The following AGBL4 variants were observed in gnomAD, a reference collection of about 807,000 sequenced individuals.
AGBL4 encodes the protein AGBL carboxypeptidase 4.
Under a neutral mutation model 66.4 loss-of-function variants are expected in AGBL4, and 58 were observed. The observed-to-expected ratio is 0.87, with a 90% CI of 0.71 to 1.09. The LOEUF (loss-of-function observed/expected upper bound fraction) is 1.09, where lower values mean the gene tolerates loss of function less well. Among genes scored for constraint, AGBL4 ranks in the 50% least tolerant of loss-of-function variants. AGBL4 has a pLI of 0.00. For missense variants in AGBL4, 579 were observed against 631.0 expected (o/e 0.92, Z 0.88); for synonymous variants, 234 against 222.9 (o/e 1.05, Z -0.44).
intron 3 of AGBL4, among the ~76,000 whole-genome samples, chr1:49,550,883 C>T (rs1041978439): frequency 6.6e-6 from 1 of 152,054 alleles, no homozygotes; most frequent in Admixed American, 6.5e-5. Context: ...AATTATTCCC[C>T]CAAATATGTT....
At chr1:49,046,263 A>C (rs1644078266) in intron 4 of AGBL4, among the ~76,000 whole-genome samples, 1 of 152,220 alleles carries the variant, frequency 6.6e-6, no homozygotes, top group South Asian at 2.1e-4. Flanking sequence ...GATGCTATAG[A>C]GATATAAATG....
At chr1:48,549,432 G>C (rs1211353269) in intron 11 of AGBL4, among the ~76,000 whole-genome samples, 1 of 152,014 alleles carries the variant, frequency 6.6e-6, no homozygotes, top group African/African-American at 2.4e-5. Flanking sequence ...GCACCCCCTA[G>C]GTAAGAAGAC....
chr1:49,191,177 G>A (rs768657232), intron 4 of AGBL4, among the ~76,000 whole-genome samples: 13 of 152,322 alleles, frequency 8.5e-5, no homozygotes, highest in Non-Finnish European at 1.8e-4. Flanking sequence ...AGAAGGTCCT[G>A]TACATTAAGG....
intron 4 of AGBL4, among the ~76,000 whole-genome samples, chr1:49,166,563 T>A (rs1164628218): frequency 6.6e-6 from 1 of 152,120 alleles, no homozygotes; most frequent in African/African-American, 2.4e-5. Flanking sequence ...ATGGTGTAGA[T>A]TATAGACTTG....
intron 3 of AGBL4, among the ~76,000 whole-genome samples, chr1:49,450,926 T>G (rs1415616581): frequency 1.3e-5 from 2 of 152,124 alleles, no homozygotes; most frequent in African/African-American, 2.4e-5. Flanking sequence ...AACAGTCATT[T>G]ATTAGTTCCC....
intron 3 of AGBL4, among the ~76,000 whole-genome samples, chr1:49,358,662 A>G (rs956752317): frequency 2.6e-4 from 40 of 152,174 alleles, no homozygotes; most frequent in Non-Finnish European, 7.4e-5. Context: ...AGAAAAAAAA[A>G]TGTTTATTAT....
intron 3 of AGBL4, among the ~76,000 whole-genome samples, chr1:49,651,618 C>T (rs542642685): frequency 2.0e-5 from 3 of 152,174 alleles, no homozygotes; most frequent in African/African-American, 7.2e-5. Context: ...TTATTCAGAG[C>T]CTTGGCCCCT....
At chr1:49,263,265 C>G (rs1022123514) in intron 3 of AGBL4, among the ~76,000 whole-genome samples, 4 of 148,080 alleles carry the variant, frequency 2.7e-5, no homozygotes, top group African/African-American at 9.8e-5. Context: ...TGTAACTAAC[C>G]TGCACATTGT....
At chr1:49,612,004 T>C (rs1436277674) in intron 3 of AGBL4, among the ~76,000 whole-genome samples, 1 of 152,200 alleles carries the variant, frequency 6.6e-6, no homozygotes, top group Admixed American at 6.5e-5. Flanking sequence ...GAAAAAAATA[T>C]GTGTCTGAGA....
At chr1:49,026,139 G>T (rs1663667029) in intron 5 of AGBL4, among the ~76,000 whole-genome samples, 1 of 152,048 alleles carries the variant, frequency 6.6e-6, no homozygotes, top group African/African-American at 2.4e-5. Flanking sequence ...AGGTTCAAAA[G>T]AAATAGATTG....
chr1:49,881,642 G>C (rs943077384), intron 1 of AGBL4, among the ~76,000 whole-genome samples: 1 of 150,984 alleles, frequency 6.6e-6, no homozygotes, highest in Non-Finnish European at 1.5e-5. Flanking sequence ...GGCCAGTGAT[G>C]ATGAGCATTT....
At chr1:49,583,406 T>A (rs936170171) in intron 3 of AGBL4, among the ~76,000 whole-genome samples, 5 of 152,142 alleles carry the variant, frequency 3.3e-5, no homozygotes, top group Non-Finnish European at 7.3e-5. Flanking sequence ...CCAGTAAATA[T>A]AAGTAAGTGT....
intron 1 of AGBL4, among the ~76,000 whole-genome samples, chr1:49,953,809 T>C (rs1162825472): frequency 2.0e-5 from 3 of 151,958 alleles, no homozygotes; most frequent in Non-Finnish European, 4.4e-5. Context: ...AGTGCTAAAA[T>C]TGCTAAATCA....
intron 4 of AGBL4, among the ~76,000 whole-genome samples, chr1:49,217,639 T>C (rs112609561): frequency 6.6e-5 from 10 of 152,260 alleles, no homozygotes; most frequent in Non-Finnish European, 1.3e-4. Context: ...TTTTCTTGAA[T>C]TGCCAGTGTA....
chr1:48,892,426 G>A (rs548131006), intron 5 of AGBL4, among the ~76,000 whole-genome samples: 3 of 152,170 alleles, frequency 2.0e-5, no homozygotes, highest in Non-Finnish European at 4.4e-5. Context: ...ACACATGCCT[G>A]TAACACAGCC....
At chr1:48,803,184 C>G (rs1374893017) in intron 6 of AGBL4, among the ~76,000 whole-genome samples, 1 of 152,218 alleles carries the variant, frequency 6.6e-6, no homozygotes, top group Non-Finnish European at 1.5e-5. Context: ...CACCCTCCCT[C>G]TTCTTTCAAA....
chr1:48,864,351 G>T (rs1026498830), intron 6 of AGBL4, among the ~76,000 whole-genome samples: 3 of 152,134 alleles, frequency 2.0e-5, no homozygotes, highest in Non-Finnish European at 4.4e-5. Flanking sequence ...GAGTAAATAT[G>T]TTCAATTACT....
chr1:48,888,231 C>T (rs1344392176), intron 5 of AGBL4, among the ~76,000 whole-genome samples: 1 of 152,136 alleles, frequency 6.6e-6, no homozygotes, highest in Admixed American at 6.5e-5. Context: ...TCATACAAAC[C>T]CATATTTTCC....
At chr1:49,952,874 C>A (rs1227356627) in intron 1 of AGBL4, among the ~76,000 whole-genome samples, 3 of 151,850 alleles carry the variant, frequency 2.0e-5, no homozygotes, top group Non-Finnish European at 4.4e-5. Context: ...GCAACCAAAA[C>A]AAAACCTGAA....
Sources: allele counts gnomAD v4.1 joint callset (sites outside exome capture counted in the v4.1 genomes callset), GRCh38; gene constraint gnomAD v4.1.1; transcripts MANE v1.5; gene names NCBI Gene and HGNC (gene_info 2026-07-23, HGNC 2026-07-21).